Variants in DGKB observed in about 807,000 individuals in gnomAD.
DGKB encodes the protein 90 kDa diacylglycerol kinase.
Under a neutral mutation model 114.3 loss-of-function variants are expected in DGKB, and 67 were observed. The observed-to-expected ratio is 0.59, with a 90% CI of 0.48 to 0.72. DGKB has a LOEUF of 0.72. DGKB is among the 30% of genes least tolerant of loss of function. The probability of loss-of-function intolerance (pLI) is 0.00; values close to 1 mark genes in which losing one functional copy is unlikely to be tolerated. For synonymous variants in DGKB, 398 were observed against 323.1 expected (o/e 1.23, Z -2.49); for missense variants, 907 against 975.2 (o/e 0.93, Z 0.93).
intron 23 of DGKB, among the ~76,000 whole-genome samples, chr7:14,205,902 T>C (rs1181918509): frequency 6.6e-6 from 1 of 152,010 alleles, no homozygotes; most frequent in African/African-American, 2.4e-5. Flanking sequence ...AATAATATGA[T>C]ATATATATGT....
At chr7:14,179,973 A>G (rs1465406275) in intron 23 of DGKB, among the ~76,000 whole-genome samples, 2 of 152,190 alleles carry the variant, frequency 1.3e-5, no homozygotes, top group African/African-American at 4.8e-5. Context: ...ATATTCTTTC[A>G]GCTGTAGCCG....
At chr7:14,827,359 T>A (rs1845836127) in intron 2 of DGKB, among the ~76,000 whole-genome samples, 1 of 152,026 alleles carries the variant, frequency 6.6e-6, no homozygotes. Context: ...AGAAGCCTCT[T>A]CTGTGGCATT....
At chr7:14,190,625 G>A (rs1784153167) in intron 23 of DGKB, among the ~76,000 whole-genome samples, 2 of 151,912 alleles carry the variant, frequency 1.3e-5, no homozygotes, top group Admixed American at 6.5e-5. Flanking sequence ...TTTTTGAAAT[G>A]ATAAAGGAAA....
At chr7:14,152,705 G>A (rs75597508) in intron 25 of DGKB, among the ~76,000 whole-genome samples, 4,377 of 152,184 alleles carry the variant, frequency 0.029, 73 homozygotes, top group Admixed American at 0.041. Flanking sequence ...AAATAAGGAT[G>A]CACATATAGA....
chr7:14,792,245 T>C (rs1219302834), intron 2 of DGKB, among the ~76,000 whole-genome samples: 1 of 152,166 alleles, frequency 6.6e-6, no homozygotes, highest in African/African-American at 2.4e-5. Context: ...TGCTATTGAA[T>C]TCAAAAGAAT....
At chr7:14,785,427 A>G (rs981991083) in intron 2 of DGKB, among the ~76,000 whole-genome samples, 1 of 152,278 alleles carries the variant, frequency 6.6e-6, no homozygotes, top group East Asian at 1.9e-4. Context: ...CATCAAAATC[A>G]TATGTATACA....
chr7:14,401,838 C>T (rs1294947933), intron 21 of DGKB, among the ~76,000 whole-genome samples: 2 of 151,706 alleles, frequency 1.3e-5, no homozygotes, highest in Non-Finnish European at 2.9e-5. Flanking sequence ...AATACTGTCT[C>T]ACTGGGGAAG....
At chr7:14,804,068 T>G (rs190385962) in intron 2 of DGKB, among the ~76,000 whole-genome samples, 16 of 124,228 alleles carry the variant, frequency 1.3e-4, no homozygotes, top group African/African-American at 6.9e-4. Flanking sequence ...CTTCACTTTT[T>G]GGGTGTGTGT....
rs372737126 is a variant in DGKB, at chr7:14,430,158, T to G, written c.1835+48003A>C. Among the ~76,000 whole-genome samples, 37 of 152,306 alleles carry G rather than the reference T, an allele frequency of 2.4e-4. No homozygotes were observed. In the East Asian group the frequency reaches 5.0e-3, roughly 21 times the overall value. On this transcript the variant is annotated intron_variant, in intron 21 of 25. Coordinates refer to ENST00000402815, the MANE Select transcript of DGKB (RefSeq NM_001350709.2). ...GGGTCCTAGCAAGTGGCTGATGGCT[T>G]CCTTGCACTTTCACACACTCGTGGC...
chr7:14,862,278 C>T (rs543366157), intron 1 of DGKB, among the ~76,000 whole-genome samples: 3 of 152,126 alleles, frequency 2.0e-5, no homozygotes, highest in East Asian at 3.9e-4. Flanking sequence ...GACATAGTTA[C>T]CACTGTGTGT....
At chr7:14,162,060 A>G (rs1019506442) in intron 25 of DGKB, among the ~76,000 whole-genome samples, 6 of 152,176 alleles carry the variant, frequency 3.9e-5, no homozygotes, top group African/African-American at 1.4e-4. Flanking sequence ...ATTTTCAACA[A>G]TACAGATTAT....
At chr7:14,161,271 T>C (rs751588503) in intron 25 of DGKB, among the ~76,000 whole-genome samples, 1 of 152,320 alleles carries the variant, frequency 6.6e-6, no homozygotes, top group Non-Finnish European at 1.5e-5. Flanking sequence ...CTCAAGGATC[T>C]AGAACCAGAA....
At chr7:14,169,398 G>T (rs1205217947) in intron 25 of DGKB, among the ~76,000 whole-genome samples, 3 of 149,858 alleles carry the variant, frequency 2.0e-5, no homozygotes, top group Non-Finnish European at 4.5e-5. Context: ...TGCAAACCAT[G>T]AGTCCTAGAT....
intron 20 of DGKB, among the ~76,000 whole-genome samples, chr7:14,487,217 T>G (rs1783949425): frequency 6.6e-6 from 1 of 152,222 alleles, no homozygotes; most frequent in African/African-American, 2.4e-5. Context: ...TTCTAATATG[T>G]TAAATTCTAA....
chr7:14,820,393 T>C (rs1026748024), intron 2 of DGKB, among the ~76,000 whole-genome samples: 2 of 152,180 alleles, frequency 1.3e-5, no homozygotes, highest in African/African-American at 4.8e-5. Flanking sequence ...TTAAACGCTA[T>C]AGTATGGTGT....
chr7:14,706,435 G>A (rs1307464218), intron 6 of DGKB, among the ~76,000 whole-genome samples: 3 of 149,156 alleles, frequency 2.0e-5, no homozygotes, highest in African/African-American at 7.4e-5. Context: ...AGGATACCCA[G>A]GAATTGAACT....
chr7:14,941,040 T>C (rs1386856691), intron 1 of DGKB, among the ~76,000 whole-genome samples: 2 of 152,068 alleles, frequency 1.3e-5, no homozygotes, highest in African/African-American at 4.8e-5. Context: ...ATACTTCTTG[T>C]TATGGTAAGG....
At chr7:14,569,507 G>A (rs1302424868) in intron 20 of DGKB, among the ~76,000 whole-genome samples, 1 of 152,100 alleles carries the variant, frequency 6.6e-6, no homozygotes, top group Non-Finnish European at 1.5e-5. Flanking sequence ...AGCTAGGTTT[G>A]AACATTATCA....
chr7:14,187,418 A>G (rs1312454764), intron 23 of DGKB, among the ~76,000 whole-genome samples: 1 of 152,198 alleles, frequency 6.6e-6, no homozygotes, highest in Non-Finnish European at 1.5e-5. Flanking sequence ...ATACCATTGC[A>G]GGAATGCCTG....
Sources: gnomAD v4.1 joint callset for allele counts (sites outside exome capture counted in the v4.1 genomes callset) on GRCh38, gnomAD v4.1.1 for gene constraint, MANE v1.5 for transcripts, NCBI Gene and HGNC (gene_info 2026-07-23, HGNC 2026-07-21) for gene names.